TAB2: variants seen among roughly 807,000 people sequenced by gnomAD.
TAB2 encodes TGF-beta-activated kinase 1 and MAP3K7-binding protein 2.
A neutral mutation model predicts 65.0 loss-of-function variants in TAB2; 3 were observed. The observed-to-expected ratio is 0.05, with a 90% CI of 0.02 to 0.12. The LOEUF (loss-of-function observed/expected upper bound fraction) is 0.12, where lower values mean the gene tolerates loss of function less well. Among genes scored for constraint, TAB2 ranks in the 10% least tolerant of loss-of-function variants. The pLI, the probability that TAB2 is intolerant of heterozygous loss-of-function variation, is 1.00. For synonymous variants in TAB2, 298 were observed against 285.1 expected, an observed-to-expected ratio of 1.05 and a Z score of -0.46; for missense variants, 623 against 840.3, an observed-to-expected ratio of 0.74 and a Z score of 3.20.
chr6:149,311,112 T>C (rs777682177), intron 1 of TAB2, among the ~76,000 whole-genome samples: 2 of 152,210 alleles, frequency 1.3e-5, no homozygotes, highest in Middle Eastern at 3.2e-3. Context: ...TAAACTTGAA[T>C]GGTATACCTC....
At chr6:149,244,928 T>C (rs1350775747) in intron 1 of TAB2, 1 of 151,982 alleles carries the variant, frequency 6.6e-6, no homozygotes, top group African/African-American at 2.4e-5. Context: ...CTGCCATCTG[T>C]ACACAGTTTT....
At chr6:149,288,640 C>T (rs1316711329) in intron 1 of TAB2, among the ~76,000 whole-genome samples, 1 of 152,104 alleles carries the variant, frequency 6.6e-6, no homozygotes, top group Non-Finnish European at 1.5e-5. Context: ...TTGTACTATG[C>T]ATGAAGGAAC....
intron 1 of TAB2, among the ~76,000 whole-genome samples, chr6:149,357,232 A>G (rs1364182754): frequency 1.3e-5 from 2 of 152,056 alleles, no homozygotes; most frequent in Non-Finnish European, 1.5e-5. Context: ...CCTGGCCAAT[A>G]TGGTGAAGTC....
chr6:149,292,497 G>GA (rs149097443), intron 1 of TAB2, among the ~76,000 whole-genome samples: 2,657 of 152,204 alleles, frequency 0.017, 166 homozygotes, highest in Admixed American at 0.12. Flanking sequence ...TCCTTACTTT[G>GA]AAAAAGAGAA....
At chr6:149,230,493 A>T (rs1317784986) in intron 1 of TAB2, among the ~76,000 whole-genome samples, 1 of 152,234 alleles carries the variant, frequency 6.6e-6, no homozygotes, top group Non-Finnish European at 1.5e-5. Flanking sequence ...AAGGCCAATA[A>T]ACTGATTTGG....
chr6:149,378,323 C>T lies in TAB2; in HGVS notation c.408C>T (p.Gly136=). ...CAGCACCAGCTCAAGTTCCTCAAGG[C>T]TTTAATGTTTTTGGAATGTCCAGTT... ...PQTAPAQVPQ[G]FNVFGMSSSS... is the part of the protein sequence containing the mutation. The change falls in exon 3 of 7, where the codon GGC becomes GGT. Residue 136 remains glycine, a synonymous_variant. Transcript: ENST00000637181. 6.2e-7 allele frequency: 1 copy of T among 1,614,190 alleles called. No homozygotes were observed. Among genetic ancestry groups the T allele is most frequent in the Non-Finnish European group, 8.5e-7 (1 of 1,180,036 alleles).
chr6:149,254,320 A>T (rs1777959739), intron 1 of TAB2, among the ~76,000 whole-genome samples: 1 of 152,162 alleles, frequency 6.6e-6, no homozygotes, highest in Admixed American at 6.5e-5. Flanking sequence ...AACCATGTGA[A>T]GCCTGACCAG....
intron 1 of TAB2, among the ~76,000 whole-genome samples, chr6:149,336,658 G>A (rs1029434965): frequency 1.3e-5 from 2 of 152,228 alleles, no homozygotes; most frequent in East Asian, 3.9e-4. Context: ...TCAAGTAGAA[G>A]GTGAAATTGG....
rs71010863 is a variant in TAB2 at position 149,358,673 on chromosome 6, T to TG, written c.-89-11236_-89-11235insG. Among the ~76,000 whole-genome samples the TG allele has an allele frequency of 4.9e-3, 738 of 151,014 alleles. 9 individuals carry two copies. The highest frequency in any genetic ancestry group is 0.017 in the African/African-American group (714 of 40,916). On this transcript the variant is annotated intron_variant, in intron 1 of 6. Transcript: ENST00000637181. ...GTGTGTGTGTGTGTGTGTGTGTGTGTTTTCAGTATATTATAAAGAAACATT... is the reference window on the plus strand; with the variant it reads ...GTGTGTGTGTGTGTGTGTGTGTGTGTGTTTCAGTATATTATAAAGAAACATT...
At chr6:149,313,333 T>C (rs1779197234), upstream of TAB2, among the ~76,000 whole-genome samples, 1 of 151,934 alleles carries the variant, frequency 6.6e-6, no homozygotes, top group Non-Finnish European at 1.5e-5. Flanking sequence ...CTCCTAACAC[T>C]GTTGGCCTTC....
chr6:149,388,369 C>G (rs1020257953), intron 3 of TAB2, among the ~76,000 whole-genome samples: 2 of 152,222 alleles, frequency 1.3e-5, no homozygotes, highest in African/African-American at 4.8e-5. Flanking sequence ...AGGCACAGTT[C>G]TACCACATAC....
At chr6:149,280,626 CT>C (rs1326667011) in intron 1 of TAB2, among the ~76,000 whole-genome samples, 1 of 152,028 alleles carries the variant, frequency 6.6e-6, no homozygotes, top group East Asian at 1.9e-4. Context: ...GCTAAAATAC[CT>C]TTCAGAAATG....
chr6:149,326,286 A>C (rs1333005085), intron 1 of TAB2, among the ~76,000 whole-genome samples: 1 of 151,584 alleles, frequency 6.6e-6, no homozygotes, highest in East Asian at 1.9e-4. Context: ...AAAAAAAAAA[A>C]AAAAGACAGT....
intron 1 of TAB2, among the ~76,000 whole-genome samples, chr6:149,269,443 CAGA>C (rs911021848): frequency 1.3e-5 from 2 of 152,106 alleles, no homozygotes; most frequent in African/African-American, 4.8e-5. Context: ...GTTCAATTTA[CAGA>C]AGATTAAAGT....
In TAB2 at chr6:149,248,500, A is replaced by G. The variant is rs9498269; in HGVS notation, c.-121+29724A>G. On this transcript the variant is annotated intron_variant, in intron 1 of 1. Transcript: ENST00000606202. The stretch of plus-strand genomic sequence containing the variant: ...AGAAAGAAAGAGAGAGAGAGAGAGA[A>G]AGAGAGAAAGAAAGAAAAGCATTCT... 5.7e-3 allele frequency among the ~76,000 whole-genome samples: 811 copies of G among 142,104 alleles called. 8 individuals are homozygous for G. The highest frequency in any genetic ancestry group is 0.021 in the African/African-American group (774 of 37,568). 93.2% of individuals were successfully genotyped at this position (142,104 alleles called of 152,430 possible). A position where few individuals can be genotyped will look rare whatever the true frequency, so the allele number is the denominator to read the frequency against.
chr6:149,256,512 G>A (rs1208196715), intron 1 of TAB2, among the ~76,000 whole-genome samples: 1 of 152,176 alleles, frequency 6.6e-6, no homozygotes, highest in East Asian at 1.9e-4. Flanking sequence ...GAGACCCATG[G>A]AGGCAGGGTA....
intron 1 of TAB2, among the ~76,000 whole-genome samples, chr6:149,268,194 A>G (rs1348694040): frequency 6.6e-6 from 1 of 152,094 alleles, no homozygotes; most frequent in Non-Finnish European, 1.5e-5. Flanking sequence ...CCCTCCATCC[A>G]TAGTGCTAAG....
chr6:149,263,857 A>G (rs1778205077), intron 1 of TAB2, among the ~76,000 whole-genome samples: 1 of 152,228 alleles, frequency 6.6e-6, no homozygotes, highest in Non-Finnish European at 1.5e-5. Context: ...CCATCTCTGT[A>G]GGCTGCCTAG....
chr6:149,350,228 G>A (rs542882326), intron 1 of TAB2, among the ~76,000 whole-genome samples: 11 of 152,058 alleles, frequency 7.2e-5, no homozygotes, highest in Admixed American at 2.6e-4. Context: ...CACTGCGCCC[G>A]GCTGGAATTA....
Sources: gnomAD v4.1 joint callset for allele counts (sites outside exome capture counted in the v4.1 genomes callset) on GRCh38, gnomAD v4.1.1 for gene constraint, MANE v1.5 for transcripts, NCBI Gene and HGNC (gene_info 2026-07-23, HGNC 2026-07-21) for gene names.